Variants in ATXN2 observed in about 807,000 individuals in gnomAD.
ATXN2 encodes the protein ataxin-2.
ATXN2 carries 37 observed loss-of-function variants against 138.6 expected under a neutral mutation model. That is an observed-to-expected ratio of 0.27 (90% CI 0.21 to 0.35). The LOEUF is 0.35. Among genes scored for constraint, ATXN2 ranks in the 10% least tolerant of loss-of-function variants. The pLI, the probability that ATXN2 is intolerant of heterozygous loss-of-function variation, is 1.00. For synonymous variants in ATXN2, 549 were observed against 543.7 expected (o/e 1.01, Z -0.13); for missense variants, 1,216 against 1,480.3 (o/e 0.82, Z 2.93).
intron 18 of ATXN2, among the ~76,000 whole-genome samples, chr12:111,479,827 C>CT (rs1330450720): frequency 1.3e-5 from 2 of 148,388 alleles, no homozygotes; most frequent in Non-Finnish European, 3.0e-5. Flanking sequence ...TTGAACACCT[C>CT]TGTTACACGC....
chr12:111,591,073 G>A (rs1307113439), intron 1 of ATXN2, among the ~76,000 whole-genome samples: 1 of 151,880 alleles, frequency 6.6e-6, no homozygotes, highest in Non-Finnish European at 1.5e-5. Context: ...TGTATTTTTA[G>A]TAGAGGGGGG....
At chr12:111,537,069 G>A (rs1174505189) in intron 5 of ATXN2, among the ~76,000 whole-genome samples, 1 of 151,994 alleles carries the variant, frequency 6.6e-6, no homozygotes, top group Non-Finnish European at 1.5e-5. Context: ...AGAGGCATGA[G>A]CCACCACACC....
At chr12:111,513,135 C>T in intron 11 of ATXN2, 2 of 504,902 alleles carry the variant, frequency 4.0e-6, no homozygotes, top group Non-Finnish European at 6.8e-6. Context: ...ACTTTACTCA[C>T]TGCGAAATCT....
intron 5 of ATXN2, among the ~76,000 whole-genome samples, chr12:111,534,188 T>A (rs1881009253): frequency 6.6e-6 from 1 of 152,068 alleles, no homozygotes; most frequent in African/African-American, 2.4e-5. Flanking sequence ...CTGCCTGAGC[T>A]CAGGAGTTCG....
At chr12:111,545,803 T>G (rs1260788240) in intron 5 of ATXN2, among the ~76,000 whole-genome samples, 1 of 151,702 alleles carries the variant, frequency 6.6e-6, no homozygotes, top group Non-Finnish European at 1.5e-5. Context: ...ACAAAAAATA[T>G]AAATATAAAA....
chr12:111,580,460 C>A (rs1285152660), intron 1 of ATXN2, among the ~76,000 whole-genome samples: 1 of 150,018 alleles, frequency 6.7e-6, no homozygotes, highest in Non-Finnish European at 1.5e-5. Flanking sequence ...AAGCTATGAT[C>A]GTGCCACTAC....
At position 111,452,796 on chromosome 12, in the gene ATXN2, T is replaced by G; in HGVS notation, c.*16A>C. ...GGGAGGAGGGAATTTGGCCTTTCGG[T>G]TCCTCCAGGGCAGCCTTACAACTGC... On this transcript the variant is annotated 3_prime_UTR_variant, in exon 25 of 25. Coordinates refer to ENST00000673436, the MANE Select transcript of ATXN2 (RefSeq NM_001372574.1). The G allele has an allele frequency of 6.2e-7, 1 of 1,613,838 alleles. No individual in the cohort carries two copies. The highest frequency in any genetic ancestry group is 8.5e-7 in the Non-Finnish European group (1 of 1,179,712).
chr12:111,458,829 AC>A (rs1875334777), intron 21 of ATXN2, among the ~76,000 whole-genome samples: 1 of 152,160 alleles, frequency 6.6e-6, no homozygotes, highest in African/African-American at 2.4e-5. Context: ...GGTATATTCC[AC>A]GTAAATGGTG....
At chr12:111,580,608 C>A (rs1199826128) in intron 1 of ATXN2, among the ~76,000 whole-genome samples, 1 of 139,700 alleles carries the variant, frequency 7.2e-6, no homozygotes, top group Non-Finnish European at 1.5e-5. Context: ...TCAAGGTCAG[C>A]CTCAGCAACA....
chr12:111,514,984 A>G (rs1398310717), intron 10 of ATXN2, among the ~76,000 whole-genome samples: 1 of 152,220 alleles, frequency 6.6e-6, no homozygotes, highest in Non-Finnish European at 1.5e-5. Context: ...TTTATTTAAT[A>G]TATTCTCATT....
At chr12:111,575,532 G>A (rs999602251) in intron 1 of ATXN2, among the ~76,000 whole-genome samples, 4 of 152,006 alleles carry the variant, frequency 2.6e-5, no homozygotes, top group African/African-American at 7.2e-5. Flanking sequence ...GATTTTATGA[G>A]ACAGAAGTAA....
intron 14 of ATXN2, among the ~76,000 whole-genome samples, chr12:111,506,605 G>C (rs1356889259): frequency 6.6e-6 from 1 of 151,698 alleles, no homozygotes; most frequent in Non-Finnish European, 1.5e-5. Context: ...AATACCTACA[G>C]CAAGACATCA....
chr12:111,599,038 G>A lies in ATXN2; in HGVS notation c.-4C>T, dbSNP rs1182740508. The A allele has an allele frequency of 6.7e-7, 1 of 1,492,838 alleles. No homozygotes were observed. The highest frequency in any genetic ancestry group is 1.3e-5 in the South Asian group (1 of 79,798). 92.5% of individuals were successfully genotyped at this position (1,492,838 alleles called of 1,614,324 possible). A position where few individuals can be genotyped will look rare whatever the true frequency, so the allele number is the denominator to read the frequency against. ...GCTGCTGGGGCTTCAGCGACATGGT[G>A]AGGGGCCCATACACCGGCTCGCACG... On this transcript the variant is annotated 5_prime_UTR_variant, in exon 1 of 25. Transcript: ENST00000673436.
In ATXN2 at chr12:111,554,779, C is replaced by T. The variant is rs967919039; in HGVS notation, c.289-562G>A. Among the ~76,000 whole-genome samples, 3 of 152,124 alleles carry T rather than the reference C, an allele frequency of 2.0e-5. No homozygotes were observed. In the East Asian group the frequency reaches 5.8e-4, roughly 29 times the overall value. On this transcript the variant is annotated intron_variant, in intron 2 of 24. Coordinates refer to ENST00000673436, the MANE Select transcript of ATXN2 (RefSeq NM_001372574.1). ...TAACTTGATTGTGGTGGTAGTTACACTGATTGTATGCAATTGTTAAAACTC... is the reference window on the plus strand; with the variant it reads ...TAACTTGATTGTGGTGGTAGTTACATTGATTGTATGCAATTGTTAAAACTC...
intron 8 of ATXN2, 137 bp from the exon 9 acceptor site, chr12:111,518,564 G>T: frequency 1.2e-6 from 1 of 838,756 alleles, no homozygotes; most frequent in East Asian, 2.7e-5. Flanking sequence ...CTCACTCCCA[G>T]ATGCCCCTGT....
chr12:111,504,598 T>C (rs574354692), intron 14 of ATXN2, among the ~76,000 whole-genome samples: 4 of 152,288 alleles, frequency 2.6e-5, no homozygotes, highest in Admixed American at 1.3e-4. Flanking sequence ...TGGCCAAGAA[T>C]AGTCTTTTTA....
intron 2 of ATXN2, among the ~76,000 whole-genome samples, chr12:111,555,376 A>T (rs570948880): frequency 1.4e-4 from 22 of 152,272 alleles, no homozygotes; most frequent in African/African-American, 4.1e-4. Context: ...TAATTATAAT[A>T]ATTCTCGTGT....
intron 8 of ATXN2, 129 bp downstream of exon 8, chr12:111,519,750 A>G (rs1000291267): frequency 1.4e-6 from 2 of 1,480,004 alleles, no homozygotes; most frequent in African/African-American, 2.8e-5. Context: ...AACAGATCTT[A>G]AACCAATTCT....
chr12:111,576,735 G>C (rs1013160352), intron 1 of ATXN2, among the ~76,000 whole-genome samples: 1 of 151,554 alleles, frequency 6.6e-6, no homozygotes, highest in African/African-American at 2.4e-5. Flanking sequence ...CGAGGCGGGC[G>C]GATCACAAAG....
Sources: allele counts gnomAD v4.1 joint callset (sites outside exome capture counted in the v4.1 genomes callset), GRCh38; gene constraint gnomAD v4.1.1; transcripts MANE v1.5; gene names NCBI Gene and HGNC (gene_info 2026-07-23, HGNC 2026-07-21).